CACNB2: variants seen among roughly 807,000 people sequenced by gnomAD.
CACNB2 encodes the protein calcium voltage-gated channel auxiliary subunit beta 2, also known as voltage-dependent L-type calcium channel subunit beta-2.
CACNB2 carries 42 observed loss-of-function variants against 73.3 expected under a neutral mutation model. The observed-to-expected ratio is 0.57, with a 90% CI of 0.45 to 0.74. The LOEUF is 0.74. Ranked by LOEUF, CACNB2 falls within the 30% of genes least tolerant of loss-of-function variation. The probability of loss-of-function intolerance (pLI) is 0.00; values close to 1 mark genes in which losing one functional copy is unlikely to be tolerated. For synonymous variants in CACNB2, 348 were observed against 310.3 expected, an observed-to-expected ratio of 1.12 and a Z score of -1.28; for missense variants, 940 against 853.0, an observed-to-expected ratio of 1.10 and a Z score of -1.27.
At chr10:18,471,593 G>C (rs1394201713) in intron 3 of CACNB2, among the ~76,000 whole-genome samples, 1 of 152,076 alleles carries the variant, frequency 6.6e-6, no homozygotes, top group Non-Finnish European at 1.5e-5. Context: ...GCACTAGTTA[G>C]CCAAAGTCTA....
intron 2 of CACNB2, among the ~76,000 whole-genome samples, chr10:18,350,069 C>A (rs932773510): frequency 3.3e-5 from 5 of 151,984 alleles, no homozygotes; most frequent in South Asian, 2.1e-4. Context: ...CATGGTGAAA[C>A]CCTGTCTCTA....
chr10:18,320,777 T>C (rs1057257816), intron 2 of CACNB2, among the ~76,000 whole-genome samples: 3 of 152,214 alleles, frequency 2.0e-5, no homozygotes, highest in Non-Finnish European at 2.9e-5. Flanking sequence ...TACTTATTGA[T>C]GGGCTGAAAA....
chr10:18,194,022 A>G (rs775064880), intron 2 of CACNB2, among the ~76,000 whole-genome samples: 9 of 152,194 alleles, frequency 5.9e-5, no homozygotes, highest in Non-Finnish European at 1.2e-4. Context: ...GGTTGGGGAA[A>G]GTGGGGTAGA....
At chr10:18,297,805 G>C (rs2039338688) in intron 2 of CACNB2, among the ~76,000 whole-genome samples, 1 of 152,116 alleles carries the variant, frequency 6.6e-6, no homozygotes, top group Non-Finnish European at 1.5e-5. Context: ...TGGAGGGAGG[G>C]ATTAAAGTGC....
chr10:18,525,201 T>C (rs2052351875), intron 9 of CACNB2, among the ~76,000 whole-genome samples: 1 of 137,130 alleles, frequency 7.3e-6, no homozygotes, highest in African/African-American at 2.7e-5. Context: ...CTGGGTGTCA[T>C]TCTGGAACAT....
At chr10:18,264,157 T>A (rs912633635) in intron 2 of CACNB2, among the ~76,000 whole-genome samples, 7 of 152,212 alleles carry the variant, frequency 4.6e-5, no homozygotes, top group Admixed American at 2.0e-4. Context: ...CTAACTCTTT[T>A]TGGTAAGCTT....
Position 18,140,745 on chromosome 10 carries a change from A to G in CACNB2, c.9A>G (p.Gln3=), listed in dbSNP as rs754160008. 3.1e-6 allele frequency: 5 copies of G among 1,594,218 alleles called. No homozygotes were observed. In the Admixed American group the frequency reaches 8.8e-5, roughly 28 times the overall value. Residue 3 remains glutamine, a synonymous_variant, in exon 1 of 14, where the codon CAA becomes CAG. Coordinates refer to ENST00000324631, the MANE Select transcript of CACNB2 (RefSeq NM_201596.3). ...GAGCCGACTTTTCGCCAATGGTCCA[A>G]AGGGACATGTCCAAGTCGCCTCCCA... MV[Q]RDMSKSPPTA... is the part of the protein sequence containing the mutation.
Position 18,152,732 on chromosome 10 carries a change from ACAAAAAAC to A in CACNB2, c.213+1758_213+1765del, listed in dbSNP as rs1377651259. 3.9e-3 allele frequency among the ~76,000 whole-genome samples: 426 copies of A among 108,524 alleles called. 5 individuals are homozygous for A. The highest frequency in any genetic ancestry group is 0.011 in the African/African-American group (274 of 23,872). 71.2% of individuals were successfully genotyped at this position (108,524 alleles called of 152,430 possible). ...ACCAAAAAAAAAAAAAAAAAAAAAAACAAAAAACAAAACACTAGCTCCTTAGTGTGCAT... is the reference window on the plus strand; with the variant it reads ...ACCAAAAAAAAAAAAAAAAAAAAAAAAAAACACTAGCTCCTTAGTGTGCAT... On this transcript the variant is annotated intron_variant, in intron 2 of 13. Transcript: ENST00000324631.
At chr10:18,228,922 A>G (rs1442833569) in intron 2 of CACNB2, among the ~76,000 whole-genome samples, 2 of 152,000 alleles carry the variant, frequency 1.3e-5, no homozygotes, top group Non-Finnish European at 2.9e-5. Context: ...TTGTATTTTT[A>G]GTAGAGATGG....
intron 9 of CACNB2, among the ~76,000 whole-genome samples, chr10:18,523,575 C>T (rs1361855279): frequency 6.6e-6 from 1 of 152,176 alleles, no homozygotes; most frequent in Non-Finnish European, 1.5e-5. Context: ...ATATTCTAGC[C>T]CTGTTCTCCC....
At chr10:18,237,235 A>G (rs2036481094) in intron 2 of CACNB2, among the ~76,000 whole-genome samples, 1 of 152,210 alleles carries the variant, frequency 6.6e-6, no homozygotes, top group East Asian at 1.9e-4. Context: ...AATCCCCAGT[A>G]CTTATGAATG....
chr10:18,215,608 T>C (rs2035480198), intron 2 of CACNB2, among the ~76,000 whole-genome samples: 1 of 152,238 alleles, frequency 6.6e-6, no homozygotes, highest in Non-Finnish European at 1.5e-5. Flanking sequence ...CAAACTCTTT[T>C]ATGGCTATGC....
At chr10:18,191,330 G>A (rs2034384323) in intron 2 of CACNB2, among the ~76,000 whole-genome samples, 1 of 152,192 alleles carries the variant, frequency 6.6e-6, no homozygotes, top group South Asian at 2.1e-4. Context: ...ACTAGAACTT[G>A]ACACCAGCTG....
chr10:18,276,416 C>T (rs962748230), intron 2 of CACNB2, among the ~76,000 whole-genome samples: 3 of 152,100 alleles, frequency 2.0e-5, no homozygotes, highest in African/African-American at 7.2e-5. Flanking sequence ...AAAATGTATT[C>T]GGTTGAGCAC....
intron 3 of CACNB2, among the ~76,000 whole-genome samples, chr10:18,412,230 G>A (rs1002640004): frequency 2.0e-5 from 3 of 152,226 alleles, no homozygotes; most frequent in African/African-American, 7.2e-5. Context: ...GCCAAAGCAA[G>A]TCACCGGCCT....
chr10:18,456,925 G>A (rs975477431), intron 3 of CACNB2, among the ~76,000 whole-genome samples: 1 of 152,040 alleles, frequency 6.6e-6, no homozygotes, highest in African/African-American at 2.4e-5. Context: ...TCCACCTTTT[G>A]GCTACTGTAA....
intron 2 of CACNB2, among the ~76,000 whole-genome samples, chr10:18,222,587 T>C (rs963677621): frequency 1.3e-5 from 2 of 152,218 alleles, no homozygotes; most frequent in East Asian, 1.9e-4. Flanking sequence ...CCTGCTGAGA[T>C]ATTCATGGAT....
chr10:18,538,083 G>C, intron 12 of CACNB2, 97 bp from the exon 13 acceptor site: 1 of 1,108,418 alleles, frequency 9.0e-7, no homozygotes, highest in Non-Finnish European at 1.4e-6. Flanking sequence ...AAGTACAAAG[G>C]GGTGCAGCTC....
intron 2 of CACNB2, among the ~76,000 whole-genome samples, chr10:18,396,203 T>G (rs993675586): frequency 6.6e-6 from 1 of 152,082 alleles, no homozygotes; most frequent in African/African-American, 2.4e-5. Flanking sequence ...GTGATCTGCC[T>G]GCCTCTGCCT....
Sources: gnomAD v4.1 joint callset for allele counts (sites outside exome capture counted in the v4.1 genomes callset) on GRCh38, gnomAD v4.1.1 for gene constraint, MANE v1.5 for transcripts, NCBI Gene and HGNC (gene_info 2026-07-23, HGNC 2026-07-21) for gene names.